The following POU6F2 variants were observed in gnomAD, a reference collection of about 807,000 sequenced individuals.
POU6F2 encodes POU class 6 homeobox 2.
In POU6F2, 31 loss-of-function variants were observed where a neutral mutation model predicts 71.3. That is an observed-to-expected ratio of 0.43 (90% CI 0.33 to 0.59). The LOEUF is 0.59. Among genes scored for constraint, POU6F2 ranks in the 20% least tolerant of loss-of-function variants. The pLI is 0.04. For missense variants in POU6F2, 783 were observed against 856.8 expected, an observed-to-expected ratio of 0.91 and a Z score of 1.07; for synonymous variants, 347 against 355.7, an observed-to-expected ratio of 0.98 and a Z score of 0.27.
intron 4 of POU6F2, among the ~76,000 whole-genome samples, chr7:39,246,441 A>C (rs868141923): frequency 1.3e-3 from 204 of 152,106 alleles, no homozygotes; most frequent in African/African-American, 4.5e-3. Flanking sequence ...CTGACCCCCT[A>C]CTGAAAGCGA....
intron 1 of POU6F2, among the ~76,000 whole-genome samples, chr7:39,045,630 A>T (rs1790278102): frequency 6.6e-6 from 1 of 151,708 alleles, no homozygotes; most frequent in Admixed American, 6.6e-5. Flanking sequence ...ATTTTTGTTA[A>T]ATTTGTGAAG....
At chr7:39,406,465 G>C (rs1400897790) in intron 5 of POU6F2, 135 bp from the exon 6 acceptor site, 2 of 977,494 alleles carry the variant, frequency 2.0e-6, no homozygotes, top group East Asian at 4.9e-5. Context: ...TGTTCGCCAC[G>C]CCCCTCCGGT....
At chr7:39,024,923 A>AT (rs1242794717) in intron 1 of POU6F2, among the ~76,000 whole-genome samples, 1 of 151,996 alleles carries the variant, frequency 6.6e-6, no homozygotes, top group Non-Finnish European at 1.5e-5. Context: ...TTTATTGAGG[A>AT]TTTTTGCATC....
chr7:39,076,398 A>T (rs534423457), intron 1 of POU6F2, among the ~76,000 whole-genome samples: 103 of 152,264 alleles, frequency 6.8e-4, no homozygotes, highest in African/African-American at 2.3e-3. Context: ...AGGGTCTAAC[A>T]CCTAAGTGTT....
chr7:39,158,108 G>A (rs1038072310), intron 2 of POU6F2, among the ~76,000 whole-genome samples: 24 of 152,060 alleles, frequency 1.6e-4, no homozygotes, highest in African/African-American at 5.6e-4. Flanking sequence ...TGTAAAATGT[G>A]GATAACTATG....
At chr7:39,222,761 T>A (rs141844089) in intron 4 of POU6F2, among the ~76,000 whole-genome samples, 64 of 152,366 alleles carry the variant, frequency 4.2e-4, no homozygotes, top group African/African-American at 1.4e-3. Flanking sequence ...GAAGACTAAA[T>A]AATATTCCAT....
intron 1 of POU6F2, among the ~76,000 whole-genome samples, chr7:39,025,094 T>C (rs1405912102): frequency 2.0e-5 from 3 of 152,164 alleles, no homozygotes; most frequent in Non-Finnish European, 2.9e-5. Context: ...CAGTTCCTCC[T>C]TGTACCTCTG....
intron 2 of POU6F2, among the ~76,000 whole-genome samples, chr7:39,181,346 T>C (rs138547239): frequency 3.9e-5 from 6 of 152,322 alleles, no homozygotes; most frequent in Non-Finnish European, 7.3e-5. Flanking sequence ...TCTGGCGGCC[T>C]TCACCTTCTC....
At chr7:39,074,800 A>T (rs1163765831) in intron 1 of POU6F2, among the ~76,000 whole-genome samples, 6 of 152,160 alleles carry the variant, frequency 3.9e-5, no homozygotes, top group Admixed American at 3.9e-4. Flanking sequence ...ACTTTGTCGG[A>T]AGGGTCGCGG....
intron 4 of POU6F2, among the ~76,000 whole-genome samples, chr7:39,301,916 C>T (rs765385347): frequency 1.3e-5 from 2 of 152,004 alleles, no homozygotes; most frequent in South Asian, 4.2e-4. Context: ...TCTATAGTTT[C>T]CTCCAAGTCT....
intron 1 of POU6F2, among the ~76,000 whole-genome samples, chr7:38,990,670 G>T (rs553564212): frequency 6.6e-6 from 1 of 151,886 alleles, no homozygotes; most frequent in East Asian, 1.9e-4. Flanking sequence ...TTCTTTTTTT[G>T]TCTGGAGCCT....
At position 39,464,564 on chromosome 7, in the gene POU6F2, A is replaced by C. The variant is rs1002396127; in HGVS notation, c.2041A>C (p.Arg681=). The change falls in exon 10 of 10, where the codon AGA becomes CGA. Residue 681 remains arginine (R), a synonymous_variant. Coordinates refer to ENST00000518318, the MANE Select transcript of POU6F2 (RefSeq NM_001370959.1). The surrounding 1 kb of genome is among the most constrained non-coding windows in gnomAD (Gnocchi z 4.1). The part of the protein sequence containing the change: ...EKLNYDREVV[R]VWFCNKRQAL... The stretch of plus-strand genomic sequence containing the variant: ...GCTGAACTATGACCGAGAAGTAGTT[A>C]GAGTTTGGTTCTGCAATAAGAGGCA... 1.2e-6 allele frequency: 2 copies of C among 1,612,916 alleles called. No homozygotes were observed. Among genetic ancestry groups the C allele is most frequent in the Non-Finnish European group, 1.7e-6 (2 of 1,179,490 alleles).
At chr7:39,274,041 A>G (rs528188625) in intron 4 of POU6F2, among the ~76,000 whole-genome samples, 14 of 152,316 alleles carry the variant, frequency 9.2e-5, no homozygotes, top group Non-Finnish European at 1.9e-4. Context: ...GTATTCAAGA[A>G]TTTGGTGACC....
chr7:39,160,574 A>T (rs556145167), intron 2 of POU6F2, among the ~76,000 whole-genome samples: 1 of 152,278 alleles, frequency 6.6e-6, no homozygotes, highest in Admixed American at 6.5e-5. Context: ...TATTCATCTA[A>T]AACTGACCTC....
chr7:39,154,878 A>C (rs550604639), intron 2 of POU6F2, among the ~76,000 whole-genome samples: 1 of 152,292 alleles, frequency 6.6e-6, no homozygotes, highest in African/African-American at 2.4e-5. Context: ...TTTCTGTAGT[A>C]ATCCCATGGC....
intron 7 of POU6F2, among the ~76,000 whole-genome samples, chr7:39,437,530 A>G (rs1788277330): frequency 2.0e-5 from 3 of 151,846 alleles, no homozygotes; most frequent in Admixed American, 2.0e-4. Flanking sequence ...TTATTAATCT[A>G]GCTAGTGGTC....
chr7:39,121,162 A>AAGACCATAATT, intron 2 of POU6F2, among the ~76,000 whole-genome samples: 1 of 152,218 alleles, frequency 6.6e-6, no homozygotes, highest in Non-Finnish European at 1.5e-5. Flanking sequence ...AATGTCTGTT[A>AAGACCATAATT]AGACCATAAT....
chr7:39,297,649 C>T (rs1182321781), intron 4 of POU6F2, among the ~76,000 whole-genome samples: 1 of 151,694 alleles, frequency 6.6e-6, no homozygotes. Context: ...AGCTGCTAGG[C>T]TGCCATCTGT....
intron 3 of POU6F2, 81 bp from the exon 4 acceptor site, chr7:39,207,311 C>A: frequency 7.4e-7 from 1 of 1,356,854 alleles, no homozygotes. Flanking sequence ...TCTGACCCTA[C>A]TTAAGTGGAA....
Sources: allele counts gnomAD v4.1 joint callset (sites outside exome capture counted in the v4.1 genomes callset), GRCh38; gene constraint gnomAD v4.1.1; non-coding constraint Gnocchi (gnomAD v3.1); transcripts MANE v1.5; gene names NCBI Gene and HGNC (gene_info 2026-07-23, HGNC 2026-07-21).